The following CDH12 variants were observed in gnomAD, a reference collection of about 807,000 sequenced individuals.
CDH12 encodes cadherin 12, also known as cadherin-12.
In CDH12, 41 loss-of-function variants were observed where a neutral mutation model predicts 74.1. The observed-to-expected ratio is 0.55, with a 90% CI of 0.43 to 0.72. CDH12 has a LOEUF of 0.72. Ranked by LOEUF, CDH12 falls within the 30% of genes least tolerant of loss-of-function variation. The probability of loss-of-function intolerance (pLI) is 0.00; values close to 1 mark genes in which losing one functional copy is unlikely to be tolerated. For synonymous variants in CDH12, 399 were observed against 355.0 expected (o/e 1.12, Z -1.39); for missense variants, 945 against 977.2 (o/e 0.97, Z 0.44).
intron 2 of CDH12, among the ~76,000 whole-genome samples, chr5:22,487,155 A>T (rs1368547789): frequency 1.3e-5 from 2 of 151,722 alleles, no homozygotes; most frequent in Non-Finnish European, 2.9e-5. Context: ...GGCATGTGCC[A>T]CCACGCCCCA....
intron 1 of CDH12, among the ~76,000 whole-genome samples, chr5:22,705,798 C>T (rs982909162): frequency 1.3e-5 from 2 of 151,744 alleles, no homozygotes; most frequent in Non-Finnish European, 2.9e-5. Context: ...GGTATTTAAT[C>T]ATTGCTTTTA....
intron 6 of CDH12, among the ~76,000 whole-genome samples, chr5:21,954,992 T>C (rs1756030785): frequency 6.6e-6 from 1 of 152,100 alleles, no homozygotes; most frequent in African/African-American, 2.4e-5. Flanking sequence ...ATGAAATTCA[T>C]GTTATTGAGT....
chr5:22,778,408 T>A (rs1245469952), intron 1 of CDH12, among the ~76,000 whole-genome samples: 1 of 152,152 alleles, frequency 6.6e-6, no homozygotes, highest in African/African-American at 2.4e-5. Flanking sequence ...TAAAAGAAAG[T>A]GAGGAAAGAG....
chr5:22,789,909 T>C (rs1281346246), intron 1 of CDH12, among the ~76,000 whole-genome samples: 1 of 151,932 alleles, frequency 6.6e-6, no homozygotes, highest in African/African-American at 2.4e-5. Flanking sequence ...TTCTGTCCTT[T>C]TAGTGGCTTC....
intron 3 of CDH12, among the ~76,000 whole-genome samples, chr5:22,279,589 A>G (rs1482530825): frequency 6.6e-6 from 1 of 151,412 alleles, no homozygotes; most frequent in Non-Finnish European, 1.5e-5. Flanking sequence ...AAGTGTTCTC[A>G]TTGCTCAATT....
chr5:22,390,956 C>T (rs555931935), intron 3 of CDH12, among the ~76,000 whole-genome samples: 1 of 152,152 alleles, frequency 6.6e-6, no homozygotes, highest in Non-Finnish European at 1.5e-5. Context: ...ATGAGACAGA[C>T]TGGCATTAGA....
chr5:22,462,610 G>T (rs1240761374), intron 2 of CDH12, among the ~76,000 whole-genome samples: 1 of 152,038 alleles, frequency 6.6e-6, no homozygotes, highest in Non-Finnish European at 1.5e-5. Flanking sequence ...TGAAGATCTG[G>T]GTCTCTGGAG....
chr5:22,654,641 G>T (rs71609302), intron 1 of CDH12, among the ~76,000 whole-genome samples: 20,639 of 142,226 alleles, frequency 0.15, 1,860 homozygotes, highest in Admixed American at 0.31. Context: ...TTTTTTTGTT[G>T]TTGTTGTTGT....
intron 4 of CDH12, among the ~76,000 whole-genome samples, chr5:22,206,539 A>G (rs1751227705): frequency 6.6e-6 from 1 of 151,934 alleles, no homozygotes. Context: ...TAAACCCACT[A>G]AGGTTTGACT....
intron 1 of CDH12, among the ~76,000 whole-genome samples, chr5:22,788,644 A>T (rs899934670): frequency 3.4e-5 from 5 of 147,858 alleles, no homozygotes; most frequent in African/African-American, 9.8e-5. Flanking sequence ...CTGTAATATA[A>T]TGTTCATGTG....
At chr5:22,378,518 G>C (rs1364270956) in intron 3 of CDH12, among the ~76,000 whole-genome samples, 1 of 151,860 alleles carries the variant, frequency 6.6e-6, no homozygotes, top group Non-Finnish European at 1.5e-5. Context: ...ATAAACTTTT[G>C]GTTCAGATGA....
intron 9 of CDH12, among the ~76,000 whole-genome samples, 173 bp downstream of exon 9, chr5:21,816,772 C>T (rs1425982571): frequency 6.6e-6 from 1 of 150,810 alleles, no homozygotes; most frequent in East Asian, 2.0e-4. Flanking sequence ...CCAAAAGATA[C>T]ATGCAGATTT....
At position 22,685,328 on chromosome 5, in the gene CDH12, C is replaced by T. The variant is rs894884716; in HGVS notation, c.-523+167730G>A. Among the ~76,000 whole-genome samples the T allele has an allele frequency of 2.6e-5, 4 of 152,140 alleles. No homozygotes were observed. In the South Asian group the frequency reaches 8.3e-4, roughly 31 times the overall value. Reference sequence around the variant, plus strand: ...TCTTGGCTCATTGCAGCCTCCACCTCCTGGGTTCAAGTGATTGTCTTGTCT... The same window carrying T: ...TCTTGGCTCATTGCAGCCTCCACCTTCTGGGTTCAAGTGATTGTCTTGTCT... On this transcript the variant is annotated intron_variant, in intron 1 of 14. Coordinates refer to ENST00000382254, the MANE Select transcript of CDH12 (RefSeq NM_004061.5).
intron 4 of CDH12, among the ~76,000 whole-genome samples, chr5:22,113,430 C>G (rs1744925698): frequency 6.6e-6 from 1 of 152,098 alleles, no homozygotes; most frequent in Non-Finnish European, 1.5e-5. Context: ...TTCATCTTAA[C>G]CTGAACATTT....
At chr5:22,655,497 T>TA (rs1428220472) in intron 1 of CDH12, among the ~76,000 whole-genome samples, 2 of 152,256 alleles carry the variant, frequency 1.3e-5, no homozygotes, top group Non-Finnish European at 2.9e-5. Flanking sequence ...TGATATACTG[T>TA]ATTATCTACA....
intron 4 of CDH12, among the ~76,000 whole-genome samples, chr5:22,202,428 A>G (rs1251749041): frequency 1.3e-5 from 2 of 152,130 alleles, no homozygotes; most frequent in African/African-American, 4.8e-5. Context: ...AGTTTCAGCT[A>G]ATATTAGCGA....
chr5:22,708,883 G>A (rs1352985335), intron 1 of CDH12, among the ~76,000 whole-genome samples: 1 of 152,130 alleles, frequency 6.6e-6, no homozygotes, highest in African/African-American at 2.4e-5. Context: ...ATCCATGAGC[G>A]GGAAGTTAGA....
intron 1 of CDH12, among the ~76,000 whole-genome samples, chr5:22,803,793 G>A (rs529624919): frequency 6.6e-6 from 1 of 152,238 alleles, no homozygotes; most frequent in Admixed American, 6.5e-5. Context: ...AGTGATGAGC[G>A]TTTTCAAATC....
chr5:22,484,129 TATTG>T (rs1408357889), intron 2 of CDH12, among the ~76,000 whole-genome samples: 4 of 152,088 alleles, frequency 2.6e-5, no homozygotes, highest in African/African-American at 9.7e-5. Context: ...TTACAAGTGA[TATTG>T]ATTATCTTCT....
Sources: allele counts gnomAD v4.1 joint callset (sites outside exome capture counted in the v4.1 genomes callset), GRCh38; gene constraint gnomAD v4.1.1; transcripts MANE v1.5; gene names NCBI Gene and HGNC (gene_info 2026-07-23, HGNC 2026-07-21).